Variants in CLTRN observed in about 807,000 individuals in gnomAD.
CLTRN encodes the protein collectrin.
In CLTRN, 12 loss-of-function variants were observed where a neutral mutation model predicts 14.5. The observed-to-expected ratio is 0.83, with a 90% CI of 0.53 to 1.34. The LOEUF (loss-of-function observed/expected upper bound fraction) is 1.34, where lower values mean the gene tolerates loss of function less well. Ranked by LOEUF, CLTRN falls within the 40% of genes most tolerant of loss-of-function variation. The pLI is 0.00. For synonymous variants in CLTRN, 58 were observed against 56.5 expected, an observed-to-expected ratio of 1.03 and a Z score of -0.12; for missense variants, 154 against 165.1, an observed-to-expected ratio of 0.93 and a Z score of 0.37.
intron 3 of CLTRN, among the ~76,000 whole-genome samples, chrX:15,648,367 A>G (rs966500778): frequency 6.3e-5 from 7 of 111,767 alleles, no homozygotes; most frequent in East Asian, 2.8e-4. Context: ...GTTGTTTAGC[A>G]GCAAATCTGA....
chrX:15,627,949 G>A lies in CLTRN; in HGVS notation c.*22C>T. The A allele has an allele frequency of 1.0e-6, 1 of 1,001,198 alleles. No individual in the cohort carries two copies. 82.5% of individuals were successfully genotyped at this position (1,001,198 alleles called of 1,213,427 possible). A position where few individuals can be genotyped will look rare whatever the true frequency, so the allele number is the denominator to read the frequency against. ...CACAGAAACAAATGTTTAATTTCTT[G>A]AGGAAGCAGAACAACAGCCCTTCAG... On this transcript the variant is annotated 3_prime_UTR_variant, in exon 6 of 6. Coordinates refer to ENST00000380342, the MANE Select transcript of CLTRN (RefSeq NM_020665.6).
chrX:15,659,756 A>T (rs769577595), intron 2 of CLTRN, among the ~76,000 whole-genome samples: 1 of 111,487 alleles, frequency 9.0e-6, no homozygotes, highest in East Asian at 2.8e-4. Flanking sequence ...GAAGACAGCC[A>T]TCTACATACA....
At chrX:15,636,609 C>T (rs942939907) in intron 5 of CLTRN, among the ~76,000 whole-genome samples, 1 of 111,238 alleles carries the variant, frequency 9.0e-6, no homozygotes, top group Admixed American at 9.6e-5. Context: ...AATAAAATCC[C>T]AAGCAATGAG....
intron 3 of CLTRN, among the ~76,000 whole-genome samples, chrX:15,652,120 G>A (rs1345223909): frequency 8.9e-6 from 1 of 112,190 alleles, no homozygotes; most frequent in Non-Finnish European, 1.9e-5. Context: ...ATTTCTTCCA[G>A]TTATAGATTA....
chrX:15,663,697 G>A (rs759219382), intron 2 of CLTRN, among the ~76,000 whole-genome samples: 8 of 112,024 alleles, frequency 7.1e-5, no homozygotes, highest in Middle Eastern at 4.6e-3. Flanking sequence ...GCATCTTAAC[G>A]TCACCTTCTA....
intron 4 of CLTRN, among the ~76,000 whole-genome samples, chrX:15,644,106 A>T (rs1929002413): frequency 8.9e-6 from 1 of 112,051 alleles, no homozygotes; most frequent in Non-Finnish European, 1.9e-5. Flanking sequence ...TACGATCATA[A>T]GGAGGGGAGG....
intron 3 of CLTRN, chrX:15,646,727 C>T: frequency 2.9e-6 from 1 of 341,194 alleles, no homozygotes. Flanking sequence ...CGCTGCTGAG[C>T]AACATCAGGC....
chrX:15,645,734 T>C (rs1929048921), intron 3 of CLTRN, among the ~76,000 whole-genome samples: 1 of 111,817 alleles, frequency 8.9e-6, no homozygotes, highest in African/African-American at 3.3e-5. Flanking sequence ...GAAATGAAAA[T>C]AGTGTTCAGA....
chrX:15,659,010 G>T lies in CLTRN; in HGVS notation c.203+6C>A, dbSNP rs1395598949. 2 of 1,090,620 alleles carry T rather than the reference G, an allele frequency of 1.8e-6. No homozygotes were observed. The highest frequency in any genetic ancestry group is 1.8e-5 in the African/African-American group (1 of 54,418). 89.9% of individuals were successfully genotyped at this position (1,090,620 alleles called of 1,213,427 possible). A position where few individuals can be genotyped will look rare whatever the true frequency, so the allele number is the denominator to read the frequency against. The stretch of plus-strand genomic sequence containing the variant: ...AATCAGTTAAGATTTCTCATTATTT[G>T]CTTACTCTGTTGCTTCTCTGTTGGG... On this transcript the variant is annotated splice_donor_region_variant and intron_variant, in intron 3 of 5. Transcript: ENST00000380342.
chrX:15,630,363 A>AGAAGGAAG (rs67681066), intron 5 of CLTRN, among the ~76,000 whole-genome samples: 714 of 54,625 alleles, frequency 0.013, 9 homozygotes, highest in Non-Finnish European at 0.018. Flanking sequence ...ACCACAAGAA[A>AGAAGGAAG]GAAGGAAGGA....
At chrX:15,631,396 G>C (rs1928691635) in intron 5 of CLTRN, among the ~76,000 whole-genome samples, 1 of 110,788 alleles carries the variant, frequency 9.0e-6, no homozygotes, top group Non-Finnish European at 1.9e-5. Flanking sequence ...AGCAGTCTTA[G>C]AAATAATAAT....
intron 3 of CLTRN, chrX:15,646,940 T>A (rs897262707): frequency 2.3e-5 from 6 of 260,551 alleles, no homozygotes; most frequent in Non-Finnish European, 3.7e-5. Flanking sequence ...TCTAGGCCGC[T>A]GAGCAGAGCC....
intron 4 of CLTRN, among the ~76,000 whole-genome samples, chrX:15,640,136 G>C (rs1025385034): frequency 3.6e-5 from 4 of 111,742 alleles, no homozygotes; most frequent in Non-Finnish European, 5.7e-5. Flanking sequence ...ACAGAGCTAG[G>C]GGGTGGCGGG....
rs772707719 is a variant in CLTRN at position 15,629,854 on chromosome X, C to T, written c.513-1727G>A. ...CAATGAAAGAAACTGACAAGTCTCT[C>T]CTGATGTGATACACTGAGTAGATCA... On this transcript the variant is annotated intron_variant, in intron 5 of 5. Coordinates refer to ENST00000380342, the MANE Select transcript of CLTRN (RefSeq NM_020665.6). Among the ~76,000 whole-genome samples, 3 of 112,123 alleles carry T rather than the reference C, an allele frequency of 2.7e-5. No individual in the cohort carries two copies. In the Admixed American group the frequency reaches 2.8e-4, roughly 11 times the overall value.
Position 15,627,853 on chromosome X carries a change from T to G in CLTRN, c.*118A>C. The G allele has an allele frequency of 1.7e-6, 1 of 594,450 alleles. No homozygotes were observed. The highest frequency in any genetic ancestry group is 4.4e-5 in the East Asian group (1 of 22,709). The allele number at this position is 594,450 out of a possible 1,213,427, so 49.0% of individuals were successfully genotyped here. On this transcript the variant is annotated 3_prime_UTR_variant, in exon 6 of 6. Transcript: ENST00000380342. ...TTTCACTTTCAAGCACATTCAAAAT[T>G]TATTACAAAAGAAGAATGGTGAAAC...
At chrX:15,673,298 T>A (rs935627108) in intron 1 of CLTRN, among the ~76,000 whole-genome samples, 1 of 112,639 alleles carries the variant, frequency 8.9e-6, no homozygotes, top group Admixed American at 9.4e-5. Flanking sequence ...CTTCAAAAAC[T>A]GTTCTGGATC....
At chrX:15,664,196 ATCTT>A in intron 2 of CLTRN, 137 bp downstream of exon 2, 1 of 433,967 alleles carries the variant, frequency 2.3e-6, no homozygotes, top group Non-Finnish European at 4.0e-6. Flanking sequence ...TCTATAATCT[ATCTT>A]TAAGAAATCA....
At position 15,632,315 on chromosome X, in the gene CLTRN, C is replaced by T. The variant is rs762809067; in HGVS notation, c.513-4188G>A. Reference sequence around the variant, plus strand: ...GCTGACTGCCGGGCGTGGTGGCTCACGCCTGTAATCCCAGCACTTTGGAAG... The same window carrying T: ...GCTGACTGCCGGGCGTGGTGGCTCATGCCTGTAATCCCAGCACTTTGGAAG... On this transcript the variant is annotated intron_variant, in intron 5 of 5. Coordinates refer to ENST00000380342, the MANE Select transcript of CLTRN (RefSeq NM_020665.6). Among the ~76,000 whole-genome samples, 356 of 111,776 alleles carry T rather than the reference C, an allele frequency of 3.2e-3. 3 individuals carry two copies. The highest frequency in any genetic ancestry group is 2.2e-3 in the Non-Finnish European group (116 of 53,088).
At chrX:15,635,789 G>A (rs188524408) in intron 5 of CLTRN, among the ~76,000 whole-genome samples, 93 of 111,841 alleles carry the variant, frequency 8.3e-4, no homozygotes, top group African/African-American at 2.6e-3. Context: ...AAAATGAAAC[G>A]TTTCTGCACA....
Sources: allele counts gnomAD v4.1 joint callset (sites outside exome capture counted in the v4.1 genomes callset), GRCh38; gene constraint gnomAD v4.1.1; transcripts MANE v1.5; gene names NCBI Gene and HGNC (gene_info 2026-07-23, HGNC 2026-07-21).